Variants in KIAA1549L observed in about 807,000 individuals in gnomAD.
The protein encoded by KIAA1549L is KIAA1549 like, also known as UPF0606 protein KIAA1549L.
A neutral mutation model predicts 160.7 loss-of-function variants in KIAA1549L; 88 were observed. That is an observed-to-expected ratio of 0.55 (90% CI 0.46 to 0.65). KIAA1549L has a LOEUF of 0.65. KIAA1549L is among the 30% of genes least tolerant of loss of function. The pLI is 0.00. For synonymous variants in KIAA1549L, 950 were observed against 976.7 expected (o/e 0.97, Z 0.51); for missense variants, 2,258 against 2,437.5 (o/e 0.93, Z 1.55).
Position 33,541,989 on chromosome 11 carries a change from G to A in KIAA1549L, c.426G>A (p.Ala142=), listed in dbSNP as rs528926962. Reference sequence around the variant, plus strand: ...TGCCACAGTCAGCCCGAACCCCTGCGTCCAAGACACACCACAGAACTAGGG... The same window carrying A: ...TGCCACAGTCAGCCCGAACCCCTGCATCCAAGACACACCACAGAACTAGGG... ...TSLPQSARTP[A]SKTHHRTRAH... Residue 142 remains alanine, a synonymous_variant, in exon 2 of 21, where the codon GCG becomes GCA. Transcript: ENST00000658780. 7 of 430,812 alleles carry A rather than the reference G, an allele frequency of 1.6e-5. No homozygotes were observed. The highest frequency in any genetic ancestry group is 7.2e-5 in the East Asian group (1 of 13,980). The allele number at this position is 430,812 out of a possible 1,614,324, so 26.7% of individuals were successfully genotyped here.
intron 17 of KIAA1549L, among the ~76,000 whole-genome samples, chr11:33,648,443 A>T (rs752951014): frequency 8.6e-5 from 13 of 151,322 alleles, no homozygotes; most frequent in Admixed American, 3.3e-4. Context: ...GCTCATGCAG[A>T]GTCCTTTTGT....
At chr11:33,558,888 C>T (rs964751721) in intron 6 of KIAA1549L, among the ~76,000 whole-genome samples, 2 of 149,330 alleles carry the variant, frequency 1.3e-5, no homozygotes, top group Non-Finnish European at 3.0e-5. Flanking sequence ...GGCTGGAGTG[C>T]AGTGGTGCAA....
At chr11:33,428,997 G>A (rs1431954628) in intron 1 of KIAA1549L, among the ~76,000 whole-genome samples, 1 of 152,130 alleles carries the variant, frequency 6.6e-6, no homozygotes, top group Admixed American at 6.6e-5. Context: ...TTGAGGCAGA[G>A]TTTTGCTCTT....
intron 13 of KIAA1549L, among the ~76,000 whole-genome samples, chr11:33,600,193 A>G (rs1850319340): frequency 6.6e-6 from 1 of 152,208 alleles, no homozygotes; most frequent in African/African-American, 2.4e-5. Flanking sequence ...GCATGCCTGT[A>G]ACACAGAGGC....
At chr11:33,553,448 C>A (rs1854540174) in intron 6 of KIAA1549L, among the ~76,000 whole-genome samples, 1 of 152,054 alleles carries the variant, frequency 6.6e-6, no homozygotes, top group Non-Finnish European at 1.5e-5. Context: ...TGTAATTAGA[C>A]CCAGTGGTTT....
rs755944722 is a variant in KIAA1549L, at chr11:33,674,097, C to T, written c.*5943C>T. ...ATAAAATGACAAAGGCTTTCATACCCCAAAACCTGCCTGTTTCTCATTCTA... is the reference window on the plus strand; with the variant it reads ...ATAAAATGACAAAGGCTTTCATACCTCAAAACCTGCCTGTTTCTCATTCTA... On this transcript the variant is annotated 3_prime_UTR_variant, in exon 21 of 21. Coordinates refer to ENST00000658780, the MANE Select transcript of KIAA1549L (RefSeq NM_012194.3). The T allele has an allele frequency of 4.6e-5, 7 of 152,138 alleles. No homozygotes were observed. Among genetic ancestry groups the T allele is most frequent in the Non-Finnish European group, 1.0e-4 (7 of 68,024 alleles). 9.4% of individuals were successfully genotyped at this position (152,138 alleles called of 1,614,324 possible). A position where few individuals can be genotyped will look rare whatever the true frequency, so the allele number is the denominator to read the frequency against.
intron 1 of KIAA1549L, chr11:33,403,394 CATGG>C (rs1850572689): frequency 5.7e-5 from 4 of 70,204 alleles, no homozygotes; most frequent in East Asian, 6.6e-4. Flanking sequence ...CAGGGACACA[CATGG>C]ACATGGACAC....
intron 16 of KIAA1549L, among the ~76,000 whole-genome samples, chr11:33,622,281 G>C (rs1180219813): frequency 6.6e-6 from 1 of 152,184 alleles, no homozygotes; most frequent in Non-Finnish European, 1.5e-5. Flanking sequence ...CCCAAAAAAT[G>C]ACTATTAGGA....
chr11:33,483,353 G>C (rs2133052170), intron 1 of KIAA1549L, among the ~76,000 whole-genome samples: 1 of 152,314 alleles, frequency 6.6e-6, no homozygotes, highest in Middle Eastern at 3.4e-3. Flanking sequence ...CCTTTGGGAA[G>C]GCGAACCTTG....
intron 4 of KIAA1549L, among the ~76,000 whole-genome samples, chr11:33,549,471 AACTTT>A (rs1268599841): frequency 6.6e-6 from 1 of 152,198 alleles, no homozygotes; most frequent in African/African-American, 2.4e-5. Flanking sequence ...GAAAGGGAAC[AACTTT>A]CTCACTGAGT....
intron 13 of KIAA1549L, among the ~76,000 whole-genome samples, chr11:33,600,274 A>T (rs890309014): frequency 2.3e-4 from 35 of 152,206 alleles, no homozygotes; most frequent in African/African-American, 8.0e-4. Flanking sequence ...ACCTGGGACC[A>T]CTAGAAATCC....
At chr11:33,624,104 AC>A (rs989431601) in intron 16 of KIAA1549L, among the ~76,000 whole-genome samples, 11 of 152,290 alleles carry the variant, frequency 7.2e-5, no homozygotes, top group African/African-American at 2.6e-4. Context: ...GGGCTATGGT[AC>A]AGACACTACA....
At chr11:33,509,979 C>T (rs1010604488) in intron 1 of KIAA1549L, among the ~76,000 whole-genome samples, 3 of 152,144 alleles carry the variant, frequency 2.0e-5, no homozygotes, top group Admixed American at 2.0e-4. Context: ...GAATTCTACA[C>T]ACAGCATCAA....
chr11:33,665,179 G>A (rs1428202828), intron 20 of KIAA1549L: 1 of 152,344 alleles, frequency 6.6e-6, no homozygotes, highest in African/African-American at 2.4e-5. Context: ...TCTTGTCCTG[G>A]GTCCAGGAAG....
intron 1 of KIAA1549L, among the ~76,000 whole-genome samples, chr11:33,411,544 A>G (rs184353528): frequency 2.0e-5 from 3 of 152,312 alleles, no homozygotes; most frequent in African/African-American, 7.2e-5. Flanking sequence ...TAAAAGTTGG[A>G]AACTCTTGGG....
chr11:33,556,368 A>G (rs944325403), intron 6 of KIAA1549L, among the ~76,000 whole-genome samples: 3 of 152,244 alleles, frequency 2.0e-5, no homozygotes, highest in African/African-American at 7.2e-5. Flanking sequence ...CCATGTTCAT[A>G]GTAGCATTAT....
chr11:33,643,835 C>G (rs1398202808), intron 16 of KIAA1549L, among the ~76,000 whole-genome samples: 1 of 152,216 alleles, frequency 6.6e-6, no homozygotes, highest in Admixed American at 6.5e-5. Context: ...AAGAACGTAA[C>G]TTTCAAGGGT....
chr11:33,668,059 A>G lies in KIAA1549L; in HGVS notation c.6346A>G (p.Thr2116Ala). 6.2e-7 allele frequency: 1 copy of G among 1,613,996 alleles called. No individual in the cohort carries two copies. The highest frequency in any genetic ancestry group is 8.5e-7 in the Non-Finnish European group (1 of 1,179,888). ...AAACGACCCGTCTGACGCTCCCCTG[A>G]CCAACATCTCCACTGCGGCCCTTGT... ...AENDPSDAPL[T>A]NISTAALVKA... Residue 2116 changes from threonine to alanine, a missense_variant, in exon 21 of 21, where the codon ACC becomes GCC. By Grantham distance (58) the Thr-to-Ala change is moderately conservative (BLOSUM62 0). Coordinates refer to ENST00000658780, the MANE Select transcript of KIAA1549L (RefSeq NM_012194.3).
At chr11:33,653,122 A>G (rs763192989) in intron 17 of KIAA1549L, among the ~76,000 whole-genome samples, 3 of 152,236 alleles carry the variant, frequency 2.0e-5, no homozygotes, top group Non-Finnish European at 4.4e-5. Context: ...ATTCATTCAG[A>G]AAATAGTTAC....
Sources: allele counts gnomAD v4.1 joint callset (sites outside exome capture counted in the v4.1 genomes callset), GRCh38; gene constraint gnomAD v4.1.1; transcripts MANE v1.5; gene names NCBI Gene and HGNC (gene_info 2026-07-23, HGNC 2026-07-21).